Variants in MCM8 observed in about 807,000 individuals in gnomAD.
MCM8 encodes minichromosome maintenance 8 homologous recombination repair factor.
MCM8 carries 85 observed loss-of-function variants against 98.9 expected under a neutral mutation model. That is an observed-to-expected ratio of 0.86 (90% CI 0.72 to 1.03). The LOEUF (loss-of-function observed/expected upper bound fraction) is 1.03. Ranked by LOEUF, MCM8 falls within the 50% of genes least tolerant of loss-of-function variation. The pLI is 0.00. For missense variants in MCM8, 951 were observed against 997.8 expected (o/e 0.95, Z 0.63); for synonymous variants, 352 against 338.6 (o/e 1.04, Z -0.44).
chr20:5,982,938 G>A (rs370452052), intron 13 of MCM8, 32 bp from the exon 14 acceptor site: 19 of 1,560,944 alleles, frequency 1.2e-5, no homozygotes, highest in Non-Finnish European at 1.5e-5. Flanking sequence ...AAGAAAAAAT[G>A]TTTTTTCTGC....
intron 1 of MCM8, 129 bp from the exon 2 acceptor site, chr20:5,951,882 A>G: frequency 2.9e-6 from 3 of 1,047,774 alleles, no homozygotes; most frequent in Non-Finnish European, 4.0e-6. Context: ...ATAGCTGTAC[A>G]ACTTTGCAAG....
chr20:5,972,735 T>C, intron 11 of MCM8: 1 of 1,312,180 alleles, frequency 7.6e-7, no homozygotes, highest in South Asian at 1.2e-5. Context: ...TGGTAAGAAA[T>C]GGGCTTTTAA....
At chr20:5,960,868 G>C (rs1174705101) in intron 7 of MCM8, among the ~76,000 whole-genome samples, 1 of 152,242 alleles carries the variant, frequency 6.6e-6, no homozygotes, top group Non-Finnish European at 1.5e-5. Flanking sequence ...CCAAGAGGCA[G>C]AGGTTGCAGT....
intron 15 of MCM8, among the ~76,000 whole-genome samples, chr20:5,985,533 A>G (rs1370597608): frequency 6.6e-6 from 1 of 151,082 alleles, no homozygotes; most frequent in Non-Finnish European, 1.5e-5. Flanking sequence ...AGAATTGTAT[A>G]TTTATCTAAA....
chr20:5,962,626 G>A lies in MCM8; in HGVS notation c.790-648G>A, dbSNP rs1325058161. On this transcript the variant is annotated intron_variant, in intron 7 of 18. Coordinates refer to ENST00000610722, the MANE Select transcript of MCM8 (RefSeq NM_032485.6). ...CCCGACCTCATGATCCACCCGCCTC[G>A]GCCTCCCAAAGTGCTGGGATTACAG... Among the ~76,000 whole-genome samples, 8 of 68,012 alleles carry A rather than the reference G, an allele frequency of 1.2e-4. 1 individual carries two copies. The highest frequency in any genetic ancestry group is 1.8e-4 in the Non-Finnish European group (8 of 44,176). 44.6% of individuals were successfully genotyped at this position (68,012 alleles called of 152,430 possible). A position where few individuals can be genotyped will look rare whatever the true frequency, so the allele number is the denominator to read the frequency against.
Position 5,963,288 on chromosome 20 carries a change from G to C in MCM8, c.804G>C (p.Val268=). 6.2e-7 allele frequency: 1 copy of C among 1,613,602 alleles called. No individual in the cohort carries two copies. Among genetic ancestry groups the C allele is most frequent in the East Asian group, 2.2e-5 (1 of 44,864 alleles). Residue 268 remains valine (V), a synonymous_variant, in exon 8 of 19, where the codon GTG becomes GTC. Transcript: ENST00000610722. The stretch of plus-strand genomic sequence containing the variant: ...GTTTCATTCAGTGTCCTGTGCCTGT[G>C]TGTCGAGGCAGGTCATTTACTGCTC... The part of the protein sequence containing the change: ...YSLPTKCPVP[V]CRGRSFTALR...
At chr20:5,961,822 C>T (rs891081348) in intron 7 of MCM8, among the ~76,000 whole-genome samples, 3 of 152,028 alleles carry the variant, frequency 2.0e-5, no homozygotes, top group South Asian at 2.1e-4. Context: ...TGTGTGATGT[C>T]GTGAAGAGGT....
intron 10 of MCM8, among the ~76,000 whole-genome samples, chr20:5,969,593 CA>C (rs11364488): frequency 0.29 from 30,594 of 104,624 alleles, 4,489 homozygotes; most frequent in African/African-American, 0.53. Context: ...CTCTGTCTCA[CA>C]AAAAAAAAAA....
intron 10 of MCM8, 75 bp from the exon 11 acceptor site, chr20:5,971,932 C>T: frequency 7.5e-7 from 1 of 1,330,866 alleles, no homozygotes; most frequent in African/African-American, 1.5e-5. Context: ...GCAGGTTAAA[C>T]AAATTGTAGA....
At chr20:5,958,378 AAC>A in intron 6 of MCM8, 148 bp from the exon 7 acceptor site, 1 of 674,276 alleles carries the variant, frequency 1.5e-6, no homozygotes, top group Non-Finnish European at 2.5e-6. Flanking sequence ...AAGAAAACAA[AAC>A]ACAACAAGAA....
At chr20:5,987,680 G>A (rs2089760931) in intron 17 of MCM8, among the ~76,000 whole-genome samples, 1 of 151,980 alleles carries the variant, frequency 6.6e-6, no homozygotes, top group Admixed American at 6.6e-5. Flanking sequence ...CTTCTGTACT[G>A]GTTTTGAATT....
Position 5,972,119 on chromosome 20 carries a change from A to T in MCM8, c.1254+82A>T, listed in dbSNP as rs564287775. 2.9e-6 allele frequency: 3 copies of T among 1,038,318 alleles called. No individual in the cohort carries two copies. The African/African-American group carries it at 4.9e-5, about 17-fold the overall frequency. The allele number at this position is 1,038,318 out of a possible 1,614,324, so 64.3% of individuals were successfully genotyped here. The stretch of plus-strand genomic sequence containing the variant: ...TATAAAAACTTTACAGAAAGTAGCA[A>T]ATTTCTATTGGCCAGTTATTTATAT... On this transcript the variant is annotated intron_variant, in intron 11 of 18. Transcript: ENST00000610722.
In MCM8 at chr20:5,963,272, A is replaced by G; in HGVS notation, c.790-2A>G. 1 of 1,611,380 alleles carries G rather than the reference A, an allele frequency of 6.2e-7. No homozygotes were observed. The highest frequency in any genetic ancestry group is 8.5e-7 in the Non-Finnish European group (1 of 1,177,536). On this transcript the variant is annotated splice_acceptor_variant, in intron 7 of 18. Coordinates refer to ENST00000610722, the MANE Select transcript of MCM8 (RefSeq NM_032485.6). LOFTEE classifies it high-confidence loss of function. ...AATGTGAATTACTTTTGTTTCATTCAGTGTCCTGTGCCTGTGTGTCGAGGC... is the reference window on the plus strand; with the variant it reads ...AATGTGAATTACTTTTGTTTCATTCGGTGTCCTGTGCCTGTGTGTCGAGGC...
chr20:5,986,097 C>T lies in MCM8; in HGVS notation c.2129C>T (p.Thr710Ile). 2 of 1,614,154 alleles carry T rather than the reference C, an allele frequency of 1.2e-6. No individual in the cohort carries two copies. The highest frequency in any genetic ancestry group is 8.5e-7 in the Non-Finnish European group (1 of 1,180,032). The change falls in exon 16 of 19, where the codon ACC (threonine) becomes ATC (isoleucine). Residue 710 changes from threonine (T) to isoleucine (I), a missense_variant. Transcript: ENST00000610722. ...SQRLNSSPITTRQLESLIRLT... is the reference protein window; with the variant it reads ...SQRLNSSPITIRQLESLIRLT... ...AGGTTAAATAGCTCACCAATCACTACCAGGCAGCTGGAATCTTTGATTCGT... is the reference window on the plus strand; with the variant it reads ...AGGTTAAATAGCTCACCAATCACTATCAGGCAGCTGGAATCTTTGATTCGT...
Position 5,963,767 on chromosome 20 carries a change from A to G in MCM8, c.875+408A>G, listed in dbSNP as rs186061616. On this transcript the variant is annotated intron_variant, in intron 8 of 18. Transcript: ENST00000610722. ...TAGCCAGGATGGTCTTGATTTCCTG[A>G]CCTCGTGATCTGCCCGCCTCAGCCT... Among the ~76,000 whole-genome samples, 1,218 of 152,012 alleles carry G rather than the reference A, an allele frequency of 8.0e-3. 6 individuals carry two copies. The highest frequency in any genetic ancestry group is 0.012 in the Non-Finnish European group (802 of 67,956).
At chr20:5,969,224 TGA>T (rs1226745063) in intron 10 of MCM8, among the ~76,000 whole-genome samples, 1 of 152,126 alleles carries the variant, frequency 6.6e-6, no homozygotes, top group Non-Finnish European at 1.5e-5. Context: ...TAGGAGAAAA[TGA>T]GAGAGACTGA....
At chr20:5,965,353 C>T (rs2089252385) in intron 8 of MCM8, 1 of 152,194 alleles carries the variant, frequency 6.6e-6, no homozygotes, top group Non-Finnish European at 1.5e-5. Flanking sequence ...ATCTGACCAT[C>T]TTCACGTTCC....
At chr20:5,972,753 A>C in intron 11 of MCM8, 1 of 1,330,124 alleles carries the variant, frequency 7.5e-7, no homozygotes, top group Non-Finnish European at 9.8e-7. Context: ...TAAAGTGACT[A>C]GACACTGCCA....
intron 18 of MCM8, 67 bp from the exon 19 acceptor site, chr20:5,994,232 A>C: frequency 1.1e-6 from 1 of 884,282 alleles, no homozygotes; most frequent in Non-Finnish European, 1.7e-6. Context: ...TATTTGAGAG[A>C]TTTATTTTAA....
Sources: allele counts gnomAD v4.1 joint callset (sites outside exome capture counted in the v4.1 genomes callset), GRCh38; gene constraint gnomAD v4.1.1; transcripts MANE v1.5; gene names NCBI Gene and HGNC (gene_info 2026-07-23, HGNC 2026-07-21).